CUL4B: variants seen among roughly 807,000 people sequenced by gnomAD.
CUL4B encodes cullin-4B.
In CUL4B, 1 loss-of-function variant was observed where a neutral mutation model predicts 69.2. The ratio of observed to expected loss-of-function variants is 0.01; its 90% confidence interval spans 0.01 to 0.07. The LOEUF (loss-of-function observed/expected upper bound fraction) is 0.07. Among genes scored for constraint, CUL4B ranks in the 10% least tolerant of loss-of-function variants. CUL4B has a pLI of 1.00. For missense variants in CUL4B, 328 were observed against 638.8 expected, an observed-to-expected ratio of 0.51 and a Z score of 5.24; for synonymous variants, 237 against 223.2, an observed-to-expected ratio of 1.06 and a Z score of -0.55.
chrX:120,560,970 T>G (rs1276228538), upstream of CUL4B: 7 of 750,294 alleles, frequency 9.3e-6, no homozygotes, highest in African/African-American at 1.6e-4. Context: ...TCTGTGAGGC[T>G]GCAGCTCCTC....
At chrX:120,548,999 CA>C in intron 2 of CUL4B, among the ~76,000 whole-genome samples, 1 of 111,965 alleles carries the variant, frequency 8.9e-6, no homozygotes, top group Non-Finnish European at 1.9e-5. Flanking sequence ...TCCTGTTATG[CA>C]TATATAAAAG....
chrX:120,541,939 T>C (rs1924015875), intron 9 of CUL4B, among the ~76,000 whole-genome samples: 1 of 110,047 alleles, frequency 9.1e-6, no homozygotes, highest in Non-Finnish European at 1.9e-5. Context: ...GCTATAAAAA[T>C]AAAAACAGGC....
downstream of CUL4B, among the ~76,000 whole-genome samples, chrX:120,570,515 A>G (rs140061107): frequency 5.3e-3 from 599 of 112,388 alleles, 3 homozygotes; most frequent in African/African-American, 0.018. Context: ...AATAGTTCCT[A>G]CTAGTTCCTT....
upstream of CUL4B, chrX:120,561,567 G>A: frequency 3.3e-6 from 1 of 302,431 alleles, no homozygotes; most frequent in Non-Finnish European, 5.7e-6. Context: ...TGGGGGGGGT[G>A]GCGGGAGGAG....
intron 2 of CUL4B, among the ~76,000 whole-genome samples, chrX:120,547,523 T>C (rs751214291): frequency 1.8e-5 from 2 of 111,928 alleles, no homozygotes; most frequent in Admixed American, 9.5e-5. Context: ...AGTGCCAACA[T>C]GCTGCTCAAA....
chrX:120,530,519 T>A (rs1256029496), intron 18 of CUL4B, among the ~76,000 whole-genome samples: 1 of 112,117 alleles, frequency 8.9e-6, no homozygotes, highest in Non-Finnish European at 1.9e-5. Context: ...TTTCTAGAAG[T>A]AGAGATAGCT....
At chrX:120,563,327 G>A (rs1350478801), upstream of CUL4B, among the ~76,000 whole-genome samples, 7 of 111,924 alleles carry the variant, frequency 6.3e-5, no homozygotes, top group Admixed American at 9.4e-5. Flanking sequence ...TCTGCCTCCC[G>A]GGTTCAAGCG....
chrX:120,529,644 T>C (rs1399302076), intron 19 of CUL4B, among the ~76,000 whole-genome samples: 1 of 111,825 alleles, frequency 8.9e-6, no homozygotes, highest in African/African-American at 3.2e-5. Flanking sequence ...TTCAAAAAGA[T>C]GCTTAATCAT....
rs1923860074 is a variant in CUL4B at position 120,539,454 on chromosome X, T to A, written c.1637-82A>T. On this transcript the variant is annotated intron_variant, in intron 11 of 19. Transcript: ENST00000371322. ...CACTATATATACCCAAAGAGGAGTATGATACACTGAGTTTTTCAATACTTC... is the reference window on the plus strand; with the variant it reads ...CACTATATATACCCAAAGAGGAGTAAGATACACTGAGTTTTTCAATACTTC... 3 of 505,254 alleles carry A rather than the reference T, an allele frequency of 5.9e-6. No individual in the cohort carries two copies. The South Asian group carries it at 1.1e-4, about 19-fold the overall frequency. The allele number at this position is 505,254 out of a possible 1,213,427, so 41.6% of individuals were successfully genotyped here.
rs1425621710 is a variant in CUL4B, at chrX:120,525,913, C to T, written c.*848G>A. ...TGCTCCTGTAACAATTTACAAAACA[C>T]GTTCATTTTGGTCTCTTTTGCAATT... On this transcript the variant is annotated 3_prime_UTR_variant, in exon 20 of 20. Coordinates refer to ENST00000371322, the MANE Select transcript of CUL4B (RefSeq NM_001079872.2). 1 of 111,677 alleles carries T rather than the reference C, an allele frequency of 9.0e-6. No homozygotes were observed. Among genetic ancestry groups the T allele is most frequent in the Admixed American group, 9.5e-5 (1 of 10,488 alleles). 9.2% of individuals were successfully genotyped at this position (111,677 alleles called of 1,213,427 possible).
At chrX:120,530,042 A>G (rs958346615) in intron 19 of CUL4B, 60 bp downstream of exon 19, 2 of 1,107,650 alleles carry the variant, frequency 1.8e-6, no homozygotes, top group Non-Finnish European at 2.5e-6. Context: ...TGTGTCTGAA[A>G]ATCTAATGTA....
At chrX:120,561,135 C>T (rs1479052630), upstream of CUL4B, 2 of 1,000,423 alleles carry the variant, frequency 2.0e-6, no homozygotes, top group Admixed American at 4.4e-5. Context: ...GTGTCAACCT[C>T]AGGGAGTGGG....
At chrX:120,532,196 T>C (rs1002152555) in intron 18 of CUL4B, 2 of 343,854 alleles carry the variant, frequency 5.8e-6, no homozygotes, top group Admixed American at 9.9e-5. Context: ...GATTGAATAC[T>C]AAATAAACAA....
At chrX:120,532,343 T>C in intron 18 of CUL4B, 79 bp downstream of exon 18, 1 of 745,387 alleles carries the variant, frequency 1.3e-6, no homozygotes, top group South Asian at 2.3e-5. Flanking sequence ...GTATTACAGG[T>C]ATAAAAATCT....
chrX:120,557,852 A>G (rs1041563355), intron 2 of CUL4B, 72 bp downstream of exon 2: 1 of 697,088 alleles, frequency 1.4e-6, no homozygotes, highest in Non-Finnish European at 2.2e-6. Flanking sequence ...AACCTATTTC[A>G]GAAAGCAAAA....
chrX:120,572,838 ATTG>A lies in CUL4B; in HGVS notation c.68-841_68-839del, dbSNP rs1280558884. 3.6e-5 allele frequency among the ~76,000 whole-genome samples: 4 copies of A among 111,424 alleles called. No homozygotes were observed. The Admixed American group carries it at 3.8e-4, about 11-fold the overall frequency. On this transcript the variant is annotated intron_variant, in intron 2 of 2. Transcript: ENST00000486604. ...TAAAAAAATCTAATTATCACACGTT[ATTG>A]TTGTTGCTTTTTTCTCTTACCTTAC...
At chrX:120,536,256 A>C (rs761219462) in intron 15 of CUL4B, among the ~76,000 whole-genome samples, 30 of 112,557 alleles carry the variant, frequency 2.7e-4, no homozygotes, top group Non-Finnish European at 5.6e-4. Context: ...GGTTTCCTTC[A>C]CAGGTTCCTC....
chrX:120,545,019 T>C (rs752429684), intron 5 of CUL4B, among the ~76,000 whole-genome samples: 14 of 112,564 alleles, frequency 1.2e-4, no homozygotes, highest in Admixed American at 2.8e-4. Context: ...CTGGTTTCAA[T>C]ACTGAAGAAT....
At chrX:120,558,838 A>G (rs1463564020) in intron 1 of CUL4B, among the ~76,000 whole-genome samples, 1 of 111,778 alleles carries the variant, frequency 8.9e-6, no homozygotes, top group Admixed American at 9.5e-5. Context: ...AATCTCTGAA[A>G]CCAATTTGAA....
Sources: gnomAD v4.1 joint callset for allele counts (sites outside exome capture counted in the v4.1 genomes callset) on GRCh38, gnomAD v4.1.1 for gene constraint, MANE v1.5 for transcripts, NCBI Gene and HGNC (gene_info 2026-07-23, HGNC 2026-07-21) for gene names.